RBFOX1: variants seen among roughly 807,000 people sequenced by gnomAD.
RBFOX1 encodes RNA binding fox-1 homolog 1, also known as RNA binding protein fox-1 homolog 1.
Under a neutral mutation model 57.7 loss-of-function variants are expected in RBFOX1, and 8 were observed. The ratio of observed to expected loss-of-function variants is 0.14; its 90% CI spans 0.08 to 0.25. The LOEUF is 0.25. RBFOX1 is among the 10% of genes least tolerant of loss of function. The probability of loss-of-function intolerance (pLI) is 1.00; values close to 1 mark genes in which losing one functional copy is unlikely to be tolerated. For synonymous variants in RBFOX1, 326 were observed against 222.4 expected (o/e 1.47, Z -4.15); for missense variants, 611 against 548.5 (o/e 1.11, Z -1.14).
At chr16:6,293,160 C>G (rs960501398) in intron 1 of RBFOX1, among the ~76,000 whole-genome samples, 17 of 152,156 alleles carry the variant, frequency 1.1e-4, no homozygotes, top group Admixed American at 8.5e-4. Flanking sequence ...TCATAGTACC[C>G]TATTAAGTGG....
chr16:6,853,366 A>G (rs2094171400), intron 3 of RBFOX1, among the ~76,000 whole-genome samples: 1 of 152,054 alleles, frequency 6.6e-6, no homozygotes, highest in African/African-American at 2.4e-5. Flanking sequence ...GCATACCCTA[A>G]GGGTTGGCTG....
chr16:7,631,454 A>G (rs941303891), intron 11 of RBFOX1, among the ~76,000 whole-genome samples: 3 of 152,164 alleles, frequency 2.0e-5, no homozygotes, highest in African/African-American at 7.2e-5. Flanking sequence ...AGAAGAATTA[A>G]AGCCGCCACT....
chr16:6,848,533 A>T (rs1266841576), intron 3 of RBFOX1, among the ~76,000 whole-genome samples: 2 of 151,994 alleles, frequency 1.3e-5, no homozygotes, highest in East Asian at 3.9e-4. Flanking sequence ...AAATAGCTAG[A>T]TGGATATATA....
intron 3 of RBFOX1, among the ~76,000 whole-genome samples, chr16:5,830,080 C>T (rs1057067304): frequency 6.6e-6 from 1 of 152,206 alleles, no homozygotes; most frequent in Non-Finnish European, 1.5e-5. Context: ...CACTTTTCTT[C>T]AGGCTAGGAT....
chr16:5,249,212 C>A (rs186766104), intron 1 of RBFOX1, among the ~76,000 whole-genome samples: 10 of 152,080 alleles, frequency 6.6e-5, no homozygotes, highest in Non-Finnish European at 1.5e-4. Flanking sequence ...GAAACAGGTA[C>A]GCAGGGGCTC....
intron 3 of RBFOX1, among the ~76,000 whole-genome samples, chr16:6,787,445 C>T (rs1482052214): frequency 1.3e-5 from 2 of 152,086 alleles, no homozygotes; most frequent in Non-Finnish European, 2.9e-5. Context: ...TATTTTTCTC[C>T]TGGTTATACA....
At chr16:5,371,626 T>G (rs2065858875) in intron 1 of RBFOX1, among the ~76,000 whole-genome samples, 2 of 152,212 alleles carry the variant, frequency 1.3e-5, no homozygotes, top group Non-Finnish European at 2.9e-5. Flanking sequence ...GAGCCGGTGA[T>G]GTGTACATTT....
At chr16:6,850,027 A>C (rs1289172507) in intron 3 of RBFOX1, among the ~76,000 whole-genome samples, 1 of 152,174 alleles carries the variant, frequency 6.6e-6, no homozygotes, top group African/African-American at 2.4e-5. Flanking sequence ...CTTTTTTCTC[A>C]AAGAAATACA....
chr16:6,973,034 G>C (rs28620833), intron 3 of RBFOX1, among the ~76,000 whole-genome samples: 5,464 of 152,262 alleles, frequency 0.036, 309 homozygotes, highest in African/African-American at 0.12. Flanking sequence ...GGGAGGCTGA[G>C]GAAGTAGAAT....
intron 3 of RBFOX1, among the ~76,000 whole-genome samples, chr16:6,889,699 A>G (rs889678647): frequency 2.0e-5 from 3 of 152,176 alleles, no homozygotes; most frequent in African/African-American, 7.2e-5. Flanking sequence ...TGTTTAATAA[A>G]TTCTTGAAGA....
intron 1 of RBFOX1, among the ~76,000 whole-genome samples, chr16:5,382,552 C>T (rs1261125322): frequency 6.6e-6 from 1 of 152,158 alleles, no homozygotes; most frequent in Admixed American, 6.5e-5. Flanking sequence ...GGACTCACCT[C>T]CTCGTCTGTA....
intron 4 of RBFOX1, among the ~76,000 whole-genome samples, chr16:7,234,702 T>TTA (rs1020086239): frequency 3.4e-5 from 5 of 149,108 alleles, no homozygotes; most frequent in African/African-American, 1.2e-4. Flanking sequence ...TATATATATG[T>TTA]TATATATATA....
chr16:6,151,013 T>C (rs2096793771), intron 1 of RBFOX1, among the ~76,000 whole-genome samples: 1 of 152,178 alleles, frequency 6.6e-6, no homozygotes, highest in South Asian at 2.1e-4. Flanking sequence ...CCTTCTTCCT[T>C]ACAGATTCAG....
At position 6,936,147 on chromosome 16, in the gene RBFOX1, G is replaced by A. The variant is rs1039662421; in HGVS notation, c.-15-115910G>A. 2.0e-5 allele frequency among the ~76,000 whole-genome samples: 3 copies of A among 152,152 alleles called. No homozygotes were observed. In the South Asian group the frequency reaches 6.2e-4, roughly 32 times the overall value. ...GCTTCTGTACACTTGATGGATGCTGGTCTTAATTTGGTGTGTTGCAGTCAT... is the reference window on the plus strand; with the variant it reads ...GCTTCTGTACACTTGATGGATGCTGATCTTAATTTGGTGTGTTGCAGTCAT... On this transcript the variant is annotated intron_variant, in intron 3 of 15. Transcript: ENST00000550418.
intron 1 of RBFOX1, among the ~76,000 whole-genome samples, chr16:5,335,430 G>A (rs1173539367): frequency 6.6e-6 from 1 of 152,210 alleles, no homozygotes; most frequent in Non-Finnish European, 1.5e-5. Context: ...CAGCGGGACT[G>A]GGGGACAGTG....
chr16:6,625,142 G>T (rs2098285294), intron 2 of RBFOX1, among the ~76,000 whole-genome samples: 1 of 110,806 alleles, frequency 9.0e-6, no homozygotes, highest in South Asian at 3.5e-4. Context: ...TCCATCCTCG[G>T]CCACCAACCC....
chr16:6,937,342 A>T (rs1036374346), intron 3 of RBFOX1, among the ~76,000 whole-genome samples: 1 of 152,138 alleles, frequency 6.6e-6, no homozygotes, highest in Admixed American at 6.5e-5. Flanking sequence ...TGCACAATGT[A>T]TCTTTTGAAG....
intron 4 of RBFOX1, among the ~76,000 whole-genome samples, chr16:5,959,316 CT>C (rs2059705206): frequency 6.6e-6 from 1 of 152,202 alleles, no homozygotes; most frequent in African/African-American, 2.4e-5. Context: ...TCCCAGGTTT[CT>C]TCCTCAGCCT....
intron 4 of RBFOX1, among the ~76,000 whole-genome samples, chr16:7,137,760 A>C (rs2152065081): frequency 6.6e-6 from 1 of 152,334 alleles, no homozygotes; most frequent in Non-Finnish European, 1.5e-5. Flanking sequence ...AACATTATGC[A>C]ACAGTCCCTA....
Sources: allele counts gnomAD v4.1 joint callset (sites outside exome capture counted in the v4.1 genomes callset), GRCh38; gene constraint gnomAD v4.1.1; transcripts MANE v1.5; gene names NCBI Gene and HGNC (gene_info 2026-07-23, HGNC 2026-07-21).